RBM6: variants seen among roughly 807,000 people sequenced by gnomAD.
RBM6 encodes the protein RNA-binding protein 6.
In RBM6, 23 loss-of-function variants were observed where a neutral mutation model predicts 140.4. The observed-to-expected ratio is 0.16, with a 90% CI of 0.12 to 0.23. The LOEUF is 0.23. RBM6 is among the 10% of genes least tolerant of loss of function. The pLI, the probability that RBM6 is intolerant of heterozygous loss-of-function variation, is 1.00. For missense variants in RBM6, 1,139 were observed against 1,386.7 expected (o/e 0.82, Z 2.84); for synonymous variants, 439 against 475.6 (o/e 0.92, Z 1.00).
At chr3:50,011,984 TG>T (rs2086871674) in intron 6 of RBM6, among the ~76,000 whole-genome samples, 1 of 151,942 alleles carries the variant, frequency 6.6e-6, no homozygotes, top group Admixed American at 6.6e-5. Context: ...CCTGAGTAGC[TG>T]GAACTATAAG....
intron 2 of RBM6, among the ~76,000 whole-genome samples, chr3:49,963,431 A>C (rs574784609): frequency 1.3e-5 from 2 of 152,044 alleles, no homozygotes; most frequent in Non-Finnish European, 2.9e-5. Flanking sequence ...AAAATACCCA[A>C]ATATTTTATT....
chr3:50,025,677 A>G (rs1297790479), intron 6 of RBM6, among the ~76,000 whole-genome samples: 1 of 148,272 alleles, frequency 6.7e-6, no homozygotes, highest in African/African-American at 2.5e-5. Context: ...CTCCTGCTTC[A>G]GTCTCCCAAA....
intron 4 of RBM6, among the ~76,000 whole-genome samples, chr3:49,973,893 TG>T (rs1184772718): frequency 1.3e-5 from 2 of 150,570 alleles, no homozygotes; most frequent in African/African-American, 4.9e-5. Context: ...GCATTTTGTT[TG>T]TTTGTTTGTT....
intron 6 of RBM6, chr3:50,047,412 T>TA (rs2089273851): frequency 1.3e-6 from 1 of 777,954 alleles, no homozygotes; most frequent in Admixed American, 6.3e-5. Flanking sequence ...ACCTGCTGCC[T>TA]AGTGTTTATT....
At chr3:49,985,602 A>G (rs1182557987) in intron 5 of RBM6, among the ~76,000 whole-genome samples, 1 of 151,894 alleles carries the variant, frequency 6.6e-6, no homozygotes, top group Non-Finnish European at 1.5e-5. Flanking sequence ...GAATGAGTTT[A>G]TTTTTATTTT....
intron 6 of RBM6, chr3:50,047,297 G>A (rs1431060035): frequency 5.5e-5 from 54 of 985,274 alleles, no homozygotes; most frequent in Middle Eastern, 5.2e-4. Context: ...TGAACACAGC[G>A]CAGGGGCTAG....
intron 1 of RBM6, among the ~76,000 whole-genome samples, chr3:49,951,397 G>A (rs1397687454): frequency 6.6e-6 from 1 of 150,658 alleles, no homozygotes; most frequent in African/African-American, 2.4e-5. Context: ...GTGTGTATAT[G>A]TGTGTGTGTG....
intron 2 of RBM6, among the ~76,000 whole-genome samples, chr3:49,963,675 A>G (rs1255997102): frequency 1.3e-5 from 2 of 152,272 alleles, no homozygotes; most frequent in Admixed American, 6.5e-5. Context: ...AATAGATTGT[A>G]TTTTAAATTT....
In RBM6 at chr3:50,057,997, A is replaced by G; in HGVS notation, c.1963A>G (p.Ser655Gly). 4 of 1,612,828 alleles carry G rather than the reference A, an allele frequency of 2.5e-6. No individual in the cohort carries two copies. Among genetic ancestry groups the G allele is most frequent in the Non-Finnish European group, 3.4e-6 (4 of 1,179,676 alleles). Residue 655 changes from serine to glycine, a missense_variant, in exon 9 of 21, where the codon AGC (serine) becomes GGC (glycine). Physicochemically the swap from Ser to Gly is moderately conservative, Grantham distance 56. Around this residue, in one of 9 missense-constraint regions of RBM6, gnomAD observed 109 missense variants for 101.9 expected, o/e 1.07. Coordinates refer to ENST00000266022, the MANE Select transcript of RBM6 (RefSeq NM_005777.3). ...TGGAGAGACACGCCAGGATGGAGAG[A>G]GCAAAAGTAAGTAGTTTGTCAGGGC... is the stretch of plus-strand genomic sequence containing the variant. ...WSGETRQDGE[S>G]KTIMLKRIYR...
chr3:50,066,463 A>G lies in RBM6; in HGVS notation c.2904A>G (p.Glu968=). 1 of 1,613,792 alleles carries G rather than the reference A, an allele frequency of 6.2e-7. No homozygotes were observed. Among genetic ancestry groups the G allele is most frequent in the Non-Finnish European group, 8.5e-7 (1 of 1,180,030 alleles). Residue 968 remains glutamate (E), a synonymous_variant, in exon 17 of 21, where the codon GAA becomes GAG. Coordinates refer to ENST00000266022, the MANE Select transcript of RBM6 (RefSeq NM_005777.3). The part of the protein sequence containing the change: ...LLCRRQFPNK[E]VLIKHQQLSD... The stretch of plus-strand genomic sequence containing the variant: ...GCAGAAGGCAGTTTCCCAATAAAGA[A>G]GTTCTGATCAAACACCAGCAGCTGT...
At chr3:50,071,430 A>C (rs1575884488) in intron 19 of RBM6, among the ~76,000 whole-genome samples, 1 of 152,372 alleles carries the variant, frequency 6.6e-6, no homozygotes, top group African/African-American at 2.4e-5. Flanking sequence ...ATCATGTGGA[A>C]GATGAGTTTG....
In RBM6 at chr3:50,054,083, T is replaced by G. The variant is rs1559635971; in HGVS notation, c.1633-252T>G. On this transcript the variant is annotated intron_variant, in intron 7 of 20. Coordinates refer to ENST00000266022, the MANE Select transcript of RBM6 (RefSeq NM_005777.3). ...CTAGGCATATTTCCTATAGGAATCT[T>G]TATCCAGGGCAAAGGCATTTGGGCT... 6.6e-5 allele frequency: 27 copies of G among 409,550 alleles called. No individual in the cohort carries two copies. The South Asian group carries it at 1.3e-3, about 19-fold the overall frequency. 25.4% of individuals were successfully genotyped at this position (409,550 alleles called of 1,614,324 possible). A position where few individuals can be genotyped will look rare whatever the true frequency, so the allele number is the denominator to read the frequency against.
intron 19 of RBM6, among the ~76,000 whole-genome samples, chr3:50,074,378 A>G (rs1048136581): frequency 7.3e-5 from 11 of 151,252 alleles, no homozygotes; most frequent in Admixed American, 4.0e-4. Flanking sequence ...CTGGAGTGCA[A>G]TGGCGCGATA....
intron 1 of RBM6, among the ~76,000 whole-genome samples, chr3:49,954,455 A>T (rs930150672): frequency 1.9e-4 from 29 of 151,892 alleles, no homozygotes; most frequent in Non-Finnish European, 2.4e-4. Flanking sequence ...AAAAAAAAAA[A>T]AAAATTTGTG....
chr3:49,964,949 G>A (rs755033529), intron 2 of RBM6, among the ~76,000 whole-genome samples: 4 of 152,066 alleles, frequency 2.6e-5, no homozygotes, highest in Non-Finnish European at 4.4e-5. Flanking sequence ...TGACTAGGAG[G>A]GAGACAGTTT....
At chr3:50,019,718 A>G (rs947906916) in intron 6 of RBM6, among the ~76,000 whole-genome samples, 1 of 151,984 alleles carries the variant, frequency 6.6e-6, no homozygotes, top group Non-Finnish European at 1.5e-5. Context: ...GAAAGCATCT[A>G]GTCTCTCACC....
intron 6 of RBM6, among the ~76,000 whole-genome samples, chr3:50,023,748 A>G (rs574431566): frequency 1.8e-4 from 27 of 146,020 alleles, no homozygotes; most frequent in African/African-American, 6.9e-4. Context: ...CTCCGAGTTC[A>G]AGTGATTCTC....
At chr3:50,025,056 A>G (rs947289796) in intron 6 of RBM6, among the ~76,000 whole-genome samples, 3 of 151,690 alleles carry the variant, frequency 2.0e-5, no homozygotes, top group Non-Finnish European at 2.9e-5. Context: ...AATTTATTCA[A>G]ATTCCACTCT....
intron 6 of RBM6, among the ~76,000 whole-genome samples, chr3:50,027,835 C>T (rs1164664306): frequency 6.6e-6 from 1 of 152,144 alleles, no homozygotes; most frequent in African/African-American, 2.4e-5. Context: ...ATTTTCAGTT[C>T]TCTTCGATAT....
Sources: gnomAD v4.1 joint callset for allele counts (sites outside exome capture counted in the v4.1 genomes callset) on GRCh38, gnomAD v4.1.1 for gene constraint, gnomAD v4.1.1 regional missense constraint, MANE v1.5 for transcripts, NCBI Gene and HGNC (gene_info 2026-07-23, HGNC 2026-07-21) for gene names.